The following TRMT61B variants were observed in gnomAD, a reference collection of about 807,000 sequenced individuals.
TRMT61B encodes the protein tRNA (adenine(58)-N(1))-methyltransferase, mitochondrial.
In TRMT61B, 56 loss-of-function variants were observed where a neutral mutation model predicts 52.0. The ratio of observed to expected loss-of-function variants is 1.08; its 90% confidence interval spans 0.87 to 1.35. The LOEUF (loss-of-function observed/expected upper bound fraction) is 1.35. TRMT61B is among the 40% of genes most tolerant of loss of function. TRMT61B has a pLI of 0.00. For synonymous variants in TRMT61B, 206 were observed against 220.0 expected, an observed-to-expected ratio of 0.94 and a Z score of 0.56; for missense variants, 650 against 577.9, an observed-to-expected ratio of 1.12 and a Z score of -1.28.
At chr2:28,850,566 T>G in intron 5 of TRMT61B, 161 bp from the exon 6 acceptor site, 1 of 569,196 alleles carries the variant, frequency 1.8e-6, no homozygotes, top group East Asian at 2.9e-5. Context: ...ATACAGAAAC[T>G]ATTTGTCAAT....
At chr2:28,865,687 T>C (rs997830105) in intron 1 of TRMT61B, among the ~76,000 whole-genome samples, 106 of 148,620 alleles carry the variant, frequency 7.1e-4, no homozygotes, top group Non-Finnish European at 1.4e-3. Flanking sequence ...TTTTTTTTTT[T>C]TTTTTTTTGG....
intron 4 of TRMT61B, 38 bp downstream of exon 4, chr2:28,852,370 A>G (rs1417830850): frequency 7.6e-7 from 1 of 1,307,996 alleles, no homozygotes; most frequent in Admixed American, 2.2e-5. Flanking sequence ...AGTGCACTTA[A>G]AAGTTACATT....
In TRMT61B at chr2:28,869,614, A is replaced by C; in HGVS notation, c.664T>G (p.Leu222Val). Reference sequence around the variant, plus strand: ...GTTATGGCAGTCCCTCTTTTCATCAATACTACATAGTCTTCCAAGGCTGGC... The same window carrying C: ...GTTATGGCAGTCCCTCTTTTCATCACTACTACATAGTCTTCCAAGGCTGGC... ...RRPALEDYVV[L>V]MKRGTAITFP... Residue 222 changes from leucine to valine, a missense_variant, in exon 1 of 7, where the codon TTG becomes GTG. Coordinates refer to ENST00000306108, the MANE Select transcript of TRMT61B (RefSeq NM_017910.4). 6.2e-7 allele frequency: 1 copy of C among 1,613,920 alleles called. No homozygotes were observed. The highest frequency in any genetic ancestry group is 8.5e-7 in the Non-Finnish European group (1 of 1,179,924).
chr2:28,850,748 T>C (rs539154976), intron 5 of TRMT61B: 12 of 313,294 alleles, frequency 3.8e-5, no homozygotes, highest in Non-Finnish European at 5.7e-5. Context: ...TTTGGAATAT[T>C]AGCTATTTGC....
Position 28,850,470 on chromosome 2 carries a change from G to A in TRMT61B, c.1313-65C>T, listed in dbSNP as rs1669034615. 2.3e-5 allele frequency: 25 copies of A among 1,068,990 alleles called. No individual in the cohort carries two copies. The East Asian group carries it at 6.6e-4, about 28-fold the overall frequency. The allele number at this position is 1,068,990 out of a possible 1,614,324, so 66.2% of individuals were successfully genotyped here. A position where few individuals can be genotyped will look rare whatever the true frequency, so the allele number is the denominator to read the frequency against. ...TATTTTCTATTTTTTTCACAAAACTGTTAAAATATGAGTTACTCTCTTTAT... is the reference window on the plus strand; with the variant it reads ...TATTTTCTATTTTTTTCACAAAACTATTAAAATATGAGTTACTCTCTTTAT... On this transcript the variant is annotated intron_variant, in intron 5 of 6. Transcript: ENST00000306108.
chr2:28,858,234 G>A (rs575049500), intron 3 of TRMT61B, among the ~76,000 whole-genome samples: 3 of 151,852 alleles, frequency 2.0e-5, no homozygotes, highest in Admixed American at 2.0e-4. Flanking sequence ...TAGAGATGGG[G>A]TTTCACCATG....
intron 2 of TRMT61B, among the ~76,000 whole-genome samples, chr2:28,863,420 G>T (rs1234518122): frequency 2.4e-5 from 3 of 124,740 alleles, no homozygotes; most frequent in Admixed American, 1.9e-4. Context: ...AACAGAGTGA[G>T]AACCCGCCTC....
At chr2:28,858,759 T>TACTCC (rs1669456972) in intron 3 of TRMT61B, among the ~76,000 whole-genome samples, 1 of 115,196 alleles carries the variant, frequency 8.7e-6, no homozygotes, top group Non-Finnish European at 1.6e-5. Context: ...CATACCACTG[T>TACTCC]ACTCCAGCCT....
chr2:28,849,962 T>C lies in TRMT61B; in HGVS notation c.*237A>G, dbSNP rs775123165. The C allele has an allele frequency of 2.0e-6, 3 of 1,524,322 alleles. No individual in the cohort carries two copies. Among genetic ancestry groups the C allele is most frequent in the African/African-American group, 1.4e-5 (1 of 71,926 alleles). The allele number at this position is 1,524,322 out of a possible 1,614,324, so 94.4% of individuals were successfully genotyped here. ...AATGAGATGGCCCAACTAAACCAAT[T>C]TGGAATCATTAACTACAAAATGTCA... On this transcript the variant is annotated 3_prime_UTR_variant, in exon 7 of 7. Coordinates refer to ENST00000306108, the MANE Select transcript of TRMT61B (RefSeq NM_017910.4).
At chr2:28,863,468 A>C (rs1233177668) in intron 2 of TRMT61B, among the ~76,000 whole-genome samples, 2 of 152,100 alleles carry the variant, frequency 1.3e-5, no homozygotes, top group Non-Finnish European at 2.9e-5. Context: ...ACTGGAAAAG[A>C]AAATATGGAG....
chr2:28,865,744 G>A lies in TRMT61B; in HGVS notation c.700-625C>T, dbSNP rs145742827. Among the ~76,000 whole-genome samples, 16 of 133,802 alleles carry A rather than the reference G, an allele frequency of 1.2e-4. No homozygotes were observed. The East Asian group carries it at 3.5e-3, about 29-fold the overall frequency. 87.8% of individuals were successfully genotyped at this position (133,802 alleles called of 152,430 possible). On this transcript the variant is annotated intron_variant, in intron 1 of 6. Coordinates refer to ENST00000306108, the MANE Select transcript of TRMT61B (RefSeq NM_017910.4). ...CCCCCAGGCTGGAGTGTGATGGCAC[G>A]ATCTTGGCTCACTGCAACCTCCGCC...
chr2:28,850,595 T>C (rs1356467175), intron 5 of TRMT61B, 190 bp from the exon 6 acceptor site: 9 of 526,794 alleles, frequency 1.7e-5, no homozygotes, highest in Non-Finnish European at 3.0e-5. Context: ...AATAAACATA[T>C]GATTTTATAA....
intron 2 of TRMT61B, 86 bp from the exon 3 acceptor site, chr2:28,861,394 G>A (rs1257619773): frequency 1.9e-6 from 2 of 1,045,074 alleles, no homozygotes; most frequent in Non-Finnish European, 2.6e-6. Flanking sequence ...GGTACTACAT[G>A]TATGTGAAAA....
At chr2:28,869,361 T>C (rs112269457) in intron 1 of TRMT61B, among the ~76,000 whole-genome samples, 15 of 152,338 alleles carry the variant, frequency 9.8e-5, no homozygotes, top group African/African-American at 2.9e-4. Flanking sequence ...AATAAGGGAC[T>C]CGAGACTCCT....
In TRMT61B at chr2:28,858,794, C is replaced by CAAAA. The variant is rs1033258916; in HGVS notation, c.993+2320_993+2323dup. Among the ~76,000 whole-genome samples the CAAAA allele has an allele frequency of 1.5e-3, 36 of 23,576 alleles. 1 individual carries two copies. The highest frequency in any genetic ancestry group is 2.4e-3 in the African/African-American group (16 of 6,542). The allele number at this position is 23,576 out of a possible 152,430, so 15.5% of individuals were successfully genotyped here. ...TGGGCGAAAGAGCAGGACTCCGTCT[C>CAAAA]AAAAAAAAAAAAAAAAAAAAAAAAA... On this transcript the variant is annotated intron_variant, in intron 3 of 6. Transcript: ENST00000306108.
At chr2:28,868,308 C>T (rs1231124327) in intron 1 of TRMT61B, among the ~76,000 whole-genome samples, 1 of 152,178 alleles carries the variant, frequency 6.6e-6, no homozygotes, top group African/African-American at 2.4e-5. Flanking sequence ...GTTTACAAGG[C>T]AAGCTCTTCC....
In TRMT61B at chr2:28,851,052, A is replaced by G; in HGVS notation, c.1312+20T>C. The stretch of plus-strand genomic sequence containing the variant: ...ATTCTCCATTCATTACTGCATGCAT[A>G]AAGTAAAACTGAAGCTCACCATGGT... On this transcript the variant is annotated intron_variant, in intron 5 of 6. Transcript: ENST00000306108. 1 of 1,533,790 alleles carries G rather than the reference A, an allele frequency of 6.5e-7. No homozygotes were observed. The highest frequency in any genetic ancestry group is 1.4e-5 in the African/African-American group (1 of 73,068).
In TRMT61B at chr2:28,870,074, T is replaced by C. The variant is rs149637552; in HGVS notation, c.204A>G (p.Pro68=). ...TGTCCGAGATGCTCAGAGGGAGAGATGGGCAAGACTCTGCTCCTGGGGCTT... is the reference window on the plus strand; with the variant it reads ...TGTCCGAGATGCTCAGAGGGAGAGACGGGCAAGACTCTGCTCCTGGGGCTT... ...QRKAPGAESC[P]SLPLSISDIG... is the part of the protein sequence containing the mutation. The change falls in exon 1 of 7, where the codon CCA becomes CCG. Residue 68 remains proline, a synonymous_variant. Transcript: ENST00000306108. The C allele has an allele frequency of 5.4e-4, 864 of 1,613,656 alleles. No individual in the cohort carries two copies. The highest frequency in any genetic ancestry group is 7.0e-4 in the Non-Finnish European group (827 of 1,179,942).
intron 4 of TRMT61B, among the ~76,000 whole-genome samples, chr2:28,851,896 A>C (rs1436596876): frequency 1.3e-5 from 2 of 149,460 alleles, no homozygotes; most frequent in East Asian, 3.9e-4. Context: ...AAAAAAAAAA[A>C]AAAAACGAAA....
Sources: allele counts gnomAD v4.1 joint callset (sites outside exome capture counted in the v4.1 genomes callset), GRCh38; gene constraint gnomAD v4.1.1; transcripts MANE v1.5; gene names NCBI Gene and HGNC (gene_info 2026-07-23, HGNC 2026-07-21).